Variants in SYNE2 observed in about 807,000 individuals in gnomAD.
SYNE2 encodes spectrin repeat containing nuclear envelope protein 2, also known as nesprin-2.
In SYNE2, 431 loss-of-function variants were observed where a neutral mutation model predicts 856.3. The observed-to-expected ratio is 0.50, with a 90% CI of 0.47 to 0.55. The LOEUF (loss-of-function observed/expected upper bound fraction) is 0.55. Among genes scored for constraint, SYNE2 ranks in the 20% least tolerant of loss-of-function variants. The pLI is 0.00. For missense variants in SYNE2, 8,129 were observed against 8,023.2 expected (o/e 1.01, Z -0.50); for synonymous variants, 2,923 against 2,872.3 (o/e 1.02, Z -0.56).
chr14:64,020,612 A>G (rs181169406), intron 35 of SYNE2, among the ~76,000 whole-genome samples: 3 of 152,326 alleles, frequency 2.0e-5, no homozygotes, highest in Admixed American at 2.0e-4. Context: ...ATGGAGGGCA[A>G]ATGTTGCCTG....
rs543081935 is a variant in SYNE2, at chr14:64,176,697, AG to A, written c.17431-659del. On this transcript the variant is annotated intron_variant, in intron 95 of 115. Transcript: ENST00000555002. The stretch of plus-strand genomic sequence containing the variant: ...CAGTTACTCCGTACAGTAGCCTTTT[AG>A]GTGTGAACTTTTCCAAAATTAAAGT... Among the ~76,000 whole-genome samples, 66 of 152,340 alleles carry A rather than the reference AG, an allele frequency of 4.3e-4. No individual in the cohort carries two copies. In the South Asian group the frequency reaches 4.8e-3, roughly 11 times the overall value.
intron 6 of SYNE2, among the ~76,000 whole-genome samples, chr14:63,943,747 T>A (rs1595784402): frequency 6.6e-6 from 1 of 151,978 alleles, no homozygotes; most frequent in African/African-American, 2.4e-5. Context: ...CTCGGCTCAC[T>A]GCAACCTCCG....
chr14:63,906,972 G>A (rs963362781), intron 1 of SYNE2, among the ~76,000 whole-genome samples: 3 of 152,014 alleles, frequency 2.0e-5, no homozygotes, highest in African/African-American at 4.8e-5. Context: ...TTTTATAAGG[G>A]GACTAATCCC....
chr14:64,196,143 C>G (rs571948107), intron 99 of SYNE2, among the ~76,000 whole-genome samples: 5 of 152,286 alleles, frequency 3.3e-5, no homozygotes, highest in East Asian at 1.9e-4. Context: ...TTTGGGAGAA[C>G]TATTGCCAGA....
intron 61 of SYNE2, 146 bp from the exon 62 acceptor site, chr14:64,097,803 C>G: frequency 2.5e-6 from 2 of 784,718 alleles, no homozygotes; most frequent in South Asian, 3.1e-5. Flanking sequence ...TGGAAAGGAG[C>G]TATACCGTAC....
At chr14:64,075,037 A>T (rs1268887773) in intron 53 of SYNE2, among the ~76,000 whole-genome samples, 1 of 152,254 alleles carries the variant, frequency 6.6e-6, no homozygotes, top group Non-Finnish European at 1.5e-5. Flanking sequence ...ACACTTACTT[A>T]TTAAACCCCA....
At position 64,226,170 on chromosome 14, in the gene SYNE2, T is replaced by C. The variant is rs1350773572; in HGVS notation, c.*644T>C. On this transcript the variant is annotated 3_prime_UTR_variant, in exon 116 of 116. Coordinates refer to ENST00000555002, the MANE Select transcript of SYNE2 (RefSeq NM_182914.3). ...CAATGCCCAATCTGTATGAATAATG[T>C]AAACTTCGATTTTTTTTTAAAAAAA... The C allele has an allele frequency of 1.3e-5, 2 of 152,792 alleles. No homozygotes were observed. Among genetic ancestry groups the C allele is most frequent in the African/African-American group, 4.8e-5 (2 of 41,450 alleles). 9.5% of individuals were successfully genotyped at this position (152,792 alleles called of 1,614,324 possible).
chr14:64,130,221 G>T lies in SYNE2; in HGVS notation c.14313G>T (p.Ala4771=). The T allele has an allele frequency of 6.2e-7, 1 of 1,613,252 alleles. No individual in the cohort carries two copies. Among genetic ancestry groups the T allele is most frequent in the Middle Eastern group, 1.6e-4 (1 of 6,062 alleles). The part of the protein sequence containing the change: ...GHLKQTKSKV[A]LQAQIENHKV... ...TAAAACAAACCAAAAGTAAAGTGGC[G>T]TTACAGGCTCAAATAGAAAATCACA... Residue 4771 remains alanine, a synonymous_variant, in exon 76 of 116, where the codon GCG becomes GCT. Transcript: ENST00000555002.
chr14:64,129,407 A>T (rs1402602345), intron 74 of SYNE2, among the ~76,000 whole-genome samples: 1 of 152,236 alleles, frequency 6.6e-6, no homozygotes, highest in Non-Finnish European at 1.5e-5. Context: ...TTGAGAGCTG[A>T]CTGATAACAA....
chr14:64,041,849 TAAA>T (rs33974614), intron 45 of SYNE2, among the ~76,000 whole-genome samples: 3 of 143,920 alleles, frequency 2.1e-5, no homozygotes, highest in Admixed American at 6.9e-5. Context: ...GACCCTTTCT[TAAA>T]AAAAAAAAAA....
intron 48 of SYNE2, among the ~76,000 whole-genome samples, chr14:64,054,488 C>A (rs1036788639): frequency 6.6e-6 from 1 of 152,142 alleles, no homozygotes; most frequent in Non-Finnish European, 1.5e-5. Context: ...TCTCAGAGTC[C>A]TGAGAACAGT....
At chr14:63,817,229 G>A (rs951017818) in intron 1 of SYNE2, among the ~76,000 whole-genome samples, 1 of 152,164 alleles carries the variant, frequency 6.6e-6, no homozygotes, top group Non-Finnish European at 1.5e-5. Flanking sequence ...GGAGTCCGAG[G>A]CAGGTGGATT....
At chr14:63,899,719 C>G (rs553937465) in intron 1 of SYNE2, among the ~76,000 whole-genome samples, 3 of 152,232 alleles carry the variant, frequency 2.0e-5, no homozygotes, top group African/African-American at 7.2e-5. Flanking sequence ...CTAGGCTGGT[C>G]TAGAACACCT....
chr14:63,812,960 A>C (rs1027852614), intron 1 of SYNE2, among the ~76,000 whole-genome samples: 1 of 152,206 alleles, frequency 6.6e-6, no homozygotes. Flanking sequence ...TTCTGGCCCT[A>C]CAGGTGAGTA....
At chr14:63,968,644 C>G (rs550532395) in intron 11 of SYNE2, among the ~76,000 whole-genome samples, 2 of 152,182 alleles carry the variant, frequency 1.3e-5, no homozygotes, top group East Asian at 1.9e-4. Flanking sequence ...AACACATATT[C>G]TGCAGTCATT....
intron 1 of SYNE2, among the ~76,000 whole-genome samples, chr14:63,815,221 TATATATCCATATATATATGG>T (rs1888919808): frequency 7.4e-6 from 1 of 135,494 alleles, no homozygotes; most frequent in African/African-American, 2.7e-5. Flanking sequence ...TATATCCATA[TATATATCCATATATATATGG>T]ATATATATAT....
intron 97 of SYNE2, 83 bp downstream of exon 97, chr14:64,186,662 A>C: frequency 1.3e-6 from 2 of 1,589,196 alleles, no homozygotes; most frequent in Non-Finnish European, 1.7e-6. Flanking sequence ...AAAGGAGCTT[A>C]ATTTCATTGA....
intron 83 of SYNE2, among the ~76,000 whole-genome samples, 176 bp downstream of exon 83, chr14:64,144,124 T>C (rs1322023919): frequency 6.6e-6 from 1 of 152,204 alleles, no homozygotes; most frequent in Non-Finnish European, 1.5e-5. Flanking sequence ...TATAAGAGAA[T>C]ATAAAAATAG....
At chr14:64,099,492 A>G (rs2097703693) in intron 63 of SYNE2, 1 of 154,968 alleles carries the variant, frequency 6.5e-6, no homozygotes, top group Admixed American at 6.4e-5. Context: ...TCGCTGGGAC[A>G]TGGTGGAACT....
Sources: gnomAD v4.1 joint callset for allele counts (sites outside exome capture counted in the v4.1 genomes callset) on GRCh38, gnomAD v4.1.1 for gene constraint, MANE v1.5 for transcripts, NCBI Gene and HGNC (gene_info 2026-07-23, HGNC 2026-07-21) for gene names.